Variants in CSMD3 observed in about 807,000 individuals in gnomAD.
CSMD3 encodes the protein CUB and Sushi multiple domains 3, also known as CUB and sushi domain-containing protein 3.
A neutral mutation model predicts 435.2 loss-of-function variants in CSMD3; 177 were observed. That is an observed-to-expected ratio of 0.41 (90% CI 0.36 to 0.46). The LOEUF is 0.46. CSMD3 is among the 20% of genes least tolerant of loss of function. The pLI is 0.34. For synonymous variants in CSMD3, 1,656 were observed against 1,520.5 expected, an observed-to-expected ratio of 1.09 and a Z score of -2.07; for missense variants, 4,265 against 4,504.6, an observed-to-expected ratio of 0.95 and a Z score of 1.52.
At chr8:112,475,223 C>T (rs527855543) in intron 31 of CSMD3, among the ~76,000 whole-genome samples, 2 of 152,244 alleles carry the variant, frequency 1.3e-5, no homozygotes, top group South Asian at 4.1e-4. Flanking sequence ...GTAACTTAGT[C>T]ATGAACATTG....
chr8:112,879,232 C>T (rs2081378822), intron 10 of CSMD3, among the ~76,000 whole-genome samples: 1 of 152,102 alleles, frequency 6.6e-6, no homozygotes, highest in African/African-American at 2.4e-5. Flanking sequence ...GAGGAAGCCT[C>T]TAAAATGGCC....
At chr8:112,690,141 T>A (rs1023448381) in intron 13 of CSMD3, 91 bp from the exon 14 acceptor site, 4 of 950,824 alleles carry the variant, frequency 4.2e-6, no homozygotes, top group Non-Finnish European at 5.0e-6. Flanking sequence ...CTCTTTGTTG[T>A]GGAGATATTT....
intron 13 of CSMD3, among the ~76,000 whole-genome samples, chr8:112,783,424 GGGAAGGAAGGAAGGAA>G (rs1256764715): frequency 5.6e-4 from 32 of 56,928 alleles, no homozygotes; most frequent in Non-Finnish European, 1.1e-3. Flanking sequence ...GAGGGAGGGA[GGGAAGGAAGGAAGGAA>G]GGAAGGAAGG....
At chr8:112,871,484 T>A (rs1244429806) in intron 10 of CSMD3, among the ~76,000 whole-genome samples, 1 of 151,820 alleles carries the variant, frequency 6.6e-6, no homozygotes, top group East Asian at 1.9e-4. Flanking sequence ...AAATATATTA[T>A]AAAAAAGGGA....
intron 13 of CSMD3, among the ~76,000 whole-genome samples, chr8:112,770,806 G>T (rs899191446): frequency 4.6e-5 from 7 of 151,928 alleles, no homozygotes; most frequent in Non-Finnish European, 1.0e-4. Context: ...AATGAGACTT[G>T]TAATAAGAAA....
At position 113,019,086 on chromosome 8, in the gene CSMD3, T is replaced by A. The variant is rs2131170268; in HGVS notation, c.1011A>T (p.Gly337=). 6.2e-7 allele frequency: 1 copy of A among 1,610,748 alleles called. No individual in the cohort carries two copies. The highest frequency in any genetic ancestry group is 8.5e-7 in the Non-Finnish European group (1 of 1,176,990). Residue 337 remains glycine (G), a synonymous_variant, in exon 6 of 71, where the codon GGA becomes GGT. Transcript: ENST00000297405. Reference sequence around the variant, plus strand: ...GTATACCTTGATAGGGAGCACTAAATCCACGGTATCGATGATTGCTGTCTG... The same window carrying A: ...GTATACCTTGATAGGGAGCACTAAAACCACGGTATCGATGATTGCTGTCTG... The part of the protein sequence containing the change: ...FVTDSNHRYR[G]FSAPYQGSST...
At chr8:112,852,760 A>C (rs13282044) in intron 11 of CSMD3, among the ~76,000 whole-genome samples, 1 of 152,018 alleles carries the variant, frequency 6.6e-6, no homozygotes, top group Non-Finnish European at 1.5e-5. Flanking sequence ...GTATCTACTA[A>C]AAATACAAAA....
chr8:112,834,926 C>T (rs1485344166), intron 11 of CSMD3, among the ~76,000 whole-genome samples: 1 of 151,632 alleles, frequency 6.6e-6, no homozygotes, highest in African/African-American at 2.4e-5. Context: ...GAAAGAAAAA[C>T]TGGAATAATA....
intron 45 of CSMD3, among the ~76,000 whole-genome samples, chr8:112,334,924 G>A (rs1348027117): frequency 4.6e-5 from 7 of 152,152 alleles, no homozygotes; most frequent in Admixed American, 6.5e-5. Flanking sequence ...GATCCAAAGC[G>A]TGAAGATACT....
intron 3 of CSMD3, among the ~76,000 whole-genome samples, chr8:113,236,105 G>A (rs1293301538): frequency 6.6e-6 from 1 of 152,086 alleles, no homozygotes; most frequent in African/African-American, 2.4e-5. Flanking sequence ...TTCCTCATTT[G>A]AATAGTAAAA....
chr8:112,782,974 T>G (rs1464333316), intron 13 of CSMD3, among the ~76,000 whole-genome samples: 2 of 152,020 alleles, frequency 1.3e-5, no homozygotes, highest in Non-Finnish European at 2.9e-5. Flanking sequence ...GAAAAAAATG[T>G]TAATAAGTGA....
chr8:112,880,863 C>A (rs998902228), intron 10 of CSMD3, among the ~76,000 whole-genome samples: 1 of 151,968 alleles, frequency 6.6e-6, no homozygotes, highest in Non-Finnish European at 1.5e-5. Context: ...AGCCTATATG[C>A]AAGACTACAG....
intron 3 of CSMD3, among the ~76,000 whole-genome samples, chr8:113,175,683 A>G (rs1482771643): frequency 4.6e-5 from 7 of 151,996 alleles, no homozygotes; most frequent in Non-Finnish European, 1.0e-4. Context: ...TGTTTGTTCC[A>G]AGAGACAGTG....
chr8:113,042,062 A>G (rs2087643705), intron 5 of CSMD3, among the ~76,000 whole-genome samples: 1 of 152,224 alleles, frequency 6.6e-6, no homozygotes, highest in Non-Finnish European at 1.5e-5. Context: ...TGTATCTACA[A>G]CATTTTTAAA....
At chr8:112,906,434 T>G (rs1404467020) in intron 10 of CSMD3, among the ~76,000 whole-genome samples, 2 of 151,376 alleles carry the variant, frequency 1.3e-5, no homozygotes, top group African/African-American at 4.8e-5. Context: ...AACCCTCAAC[T>G]TCTTCAAAAA....
At chr8:113,212,025 GA>G (rs1234876893) in intron 3 of CSMD3, among the ~76,000 whole-genome samples, 2 of 152,050 alleles carry the variant, frequency 1.3e-5, no homozygotes, top group Non-Finnish European at 2.9e-5. Flanking sequence ...ATTAATAAAT[GA>G]CTAAAAATTG....
At chr8:113,175,839 T>G (rs2092339281) in intron 3 of CSMD3, among the ~76,000 whole-genome samples, 1 of 151,980 alleles carries the variant, frequency 6.6e-6, no homozygotes, top group African/African-American at 2.4e-5. Context: ...ATAATTAAGG[T>G]CAGGACTTCA....
chr8:113,238,084 A>T (rs2093170317), intron 3 of CSMD3, among the ~76,000 whole-genome samples: 1 of 151,912 alleles, frequency 6.6e-6, no homozygotes, highest in Non-Finnish European at 1.5e-5. Flanking sequence ...CAAAAAAAAA[A>T]AAAAAAAAAG....
rs2129764452 is a variant in CSMD3 at position 112,224,895 on chromosome 8, A to T, written c.11000T>A (p.Val3667Asp). The change falls in exon 71 of 71, where the codon GTT becomes GAT. Residue 3667 changes from valine to aspartate, a missense_variant. Around this residue, in one of 3 missense-constraint regions of CSMD3, gnomAD observed 3,255 missense variants for 3,380.2 expected, o/e 0.96. Coordinates refer to ENST00000297405, the MANE Select transcript of CSMD3 (RefSeq NM_198123.2). ...TGCTTGGCCATTGTTATTTTCATGA[A>T]CTGAACATCCTGTATACTGTGTTTT... ...APKTQYTGCS[V>D]HENNNGQAAF... The T allele has an allele frequency of 6.2e-7, 1 of 1,614,076 alleles. No homozygotes were observed. Among genetic ancestry groups the T allele is most frequent in the Non-Finnish European group, 8.5e-7 (1 of 1,179,938 alleles).
Sources: allele counts gnomAD v4.1 joint callset (sites outside exome capture counted in the v4.1 genomes callset), GRCh38; gene constraint gnomAD v4.1.1; regional missense constraint gnomAD v4.1.1; transcripts MANE v1.5; gene names NCBI Gene and HGNC (gene_info 2026-07-23, HGNC 2026-07-21).